NALF1: variants seen among roughly 807,000 people sequenced by gnomAD.
NALF1 encodes the protein NALCN channel auxiliary factor 1, also known as family with sequence similarity 155 member A.
A neutral mutation model predicts 48.4 loss-of-function variants in NALF1; 3 were observed. The ratio of observed to expected loss-of-function variants is 0.06; its 90% confidence interval spans 0.03 to 0.16. The LOEUF is 0.16. Among genes scored for constraint, NALF1 ranks in the 10% least tolerant of loss-of-function variants. The probability of loss-of-function intolerance (pLI) is 1.00; values close to 1 mark genes in which losing one functional copy is unlikely to be tolerated. For missense variants in NALF1, 526 were observed against 571.5 expected (o/e 0.92, Z 0.81); for synonymous variants, 262 against 245.7 (o/e 1.07, Z -0.62).
At chr13:107,583,717 C>T (rs1244586744) in intron 1 of NALF1, among the ~76,000 whole-genome samples, 3 of 152,242 alleles carry the variant, frequency 2.0e-5, no homozygotes, top group East Asian at 1.9e-4. Flanking sequence ...TTTGGAAGTA[C>T]TTAACCTCCA....
At chr13:107,726,265 G>C (rs1876146680) in intron 1 of NALF1, among the ~76,000 whole-genome samples, 1 of 152,000 alleles carries the variant, frequency 6.6e-6, no homozygotes, top group Non-Finnish European at 1.5e-5. Flanking sequence ...AGAGAAATGG[G>C]TCCTTTCATA....
chr13:107,862,322 G>C (rs1384292806), intron 1 of NALF1, among the ~76,000 whole-genome samples: 1 of 151,998 alleles, frequency 6.6e-6, no homozygotes, highest in Non-Finnish European at 1.5e-5. Context: ...GAAAAATCAA[G>C]CATGTTTATA....
At chr13:107,235,255 AT>A (rs1185602146) in intron 1 of NALF1, among the ~76,000 whole-genome samples, 1 of 152,224 alleles carries the variant, frequency 6.6e-6, no homozygotes, top group Non-Finnish European at 1.5e-5. Flanking sequence ...GAAATAGTTA[AT>A]TATTATGTAT....
chr13:107,479,555 G>A (rs576670003), intron 1 of NALF1, among the ~76,000 whole-genome samples: 34 of 151,684 alleles, frequency 2.2e-4, no homozygotes, highest in Non-Finnish European at 3.1e-4. Flanking sequence ...TGTGACTTTC[G>A]TCCTTTGGAA....
chr13:107,743,939 T>C (rs1004410824), intron 1 of NALF1, among the ~76,000 whole-genome samples: 1 of 152,204 alleles, frequency 6.6e-6, no homozygotes, highest in Non-Finnish European at 1.5e-5. Flanking sequence ...CCTTTAGTTA[T>C]GCAAAATAGA....
rs1875636566 is a variant in NALF1 at position 107,712,625 on chromosome 13, T to C, written c.915+153057A>G. Among the ~76,000 whole-genome samples the C allele has an allele frequency of 2.0e-5, 3 of 152,198 alleles. No homozygotes were observed. In the South Asian group the frequency reaches 6.2e-4, roughly 32 times the overall value. Reference sequence around the variant, plus strand: ...TGAACCACAAAGCCGAGCCCCAGCTTCGTTTCGGGGAGAATGACAGTCTCG... The same window carrying C: ...TGAACCACAAAGCCGAGCCCCAGCTCCGTTTCGGGGAGAATGACAGTCTCG... On this transcript the variant is annotated intron_variant, in intron 1 of 2. Transcript: ENST00000375915.
intron 2 of NALF1, among the ~76,000 whole-genome samples, chr13:107,179,526 T>C (rs942147435): frequency 6.6e-6 from 1 of 152,060 alleles, no homozygotes; most frequent in Non-Finnish European, 1.5e-5. Flanking sequence ...GGATTGTTTG[T>C]AACATAAAGA....
At chr13:107,500,775 T>TA (rs1318246650) in intron 1 of NALF1, among the ~76,000 whole-genome samples, 1 of 151,716 alleles carries the variant, frequency 6.6e-6, no homozygotes, top group Non-Finnish European at 1.5e-5. Context: ...TATGCAGCCA[T>TA]AAAAAATGAT....
At chr13:107,604,959 A>G (rs1879025835) in intron 1 of NALF1, among the ~76,000 whole-genome samples, 1 of 152,178 alleles carries the variant, frequency 6.6e-6, no homozygotes, top group African/African-American at 2.4e-5. Context: ...TGTGTTTTAC[A>G]TGCATCTTCT....
chr13:107,753,659 G>C (rs528578728), intron 1 of NALF1, among the ~76,000 whole-genome samples: 1 of 152,130 alleles, frequency 6.6e-6, no homozygotes, highest in Non-Finnish European at 1.5e-5. Context: ...AATACTTTCT[G>C]CATGGGATTT....
At chr13:107,325,343 C>A (rs1214131479) in intron 1 of NALF1, among the ~76,000 whole-genome samples, 2 of 152,014 alleles carry the variant, frequency 1.3e-5, no homozygotes, top group African/African-American at 4.8e-5. Context: ...TTTCCAAATT[C>A]TTTCACATCT....
At chr13:107,525,031 C>A (rs778380237) in intron 1 of NALF1, among the ~76,000 whole-genome samples, 8 of 152,032 alleles carry the variant, frequency 5.3e-5, no homozygotes, top group Non-Finnish European at 1.0e-4. Context: ...TCCTTGTTTT[C>A]AACATGGGGT....
At chr13:107,666,830 A>C (rs555848577) in intron 1 of NALF1, among the ~76,000 whole-genome samples, 88 of 152,150 alleles carry the variant, frequency 5.8e-4, no homozygotes, top group African/African-American at 2.0e-3. Context: ...ATTCGCCATA[A>C]ATTTGGTATT....
intron 1 of NALF1, among the ~76,000 whole-genome samples, chr13:107,326,770 C>T (rs1179686301): frequency 2.0e-5 from 3 of 152,200 alleles, no homozygotes; most frequent in African/African-American, 2.4e-5. Flanking sequence ...GCATGGTGCC[C>T]AGGGATAGTG....
In NALF1 at chr13:107,533,233, A is replaced by G. The variant is rs1255416362; in HGVS notation, c.916-322478T>C. On this transcript the variant is annotated intron_variant, in intron 1 of 2. Transcript: ENST00000375915. ...TAGAAACATTTATAGAAATTTACAC[A>G]TTTGAAATGCAGAGTGCTATAATTA... Among the ~76,000 whole-genome samples, 4 of 152,114 alleles carry G rather than the reference A, an allele frequency of 2.6e-5. No homozygotes were observed. In the East Asian group the frequency reaches 7.7e-4, roughly 29 times the overall value.
chr13:107,318,921 G>C (rs1485738892), intron 1 of NALF1, among the ~76,000 whole-genome samples: 1 of 152,098 alleles, frequency 6.6e-6, no homozygotes, highest in East Asian at 1.9e-4. Context: ...GCTGCCATTT[G>C]TATGTCCATT....
chr13:107,287,192 C>T (rs1434974214), intron 1 of NALF1, among the ~76,000 whole-genome samples: 2 of 152,218 alleles, frequency 1.3e-5, no homozygotes, highest in African/African-American at 2.4e-5. Context: ...AGAACCTTCA[C>T]ACCGTCTCCC....
intron 1 of NALF1, among the ~76,000 whole-genome samples, chr13:107,457,355 T>C (rs1884840431): frequency 6.6e-6 from 1 of 152,162 alleles, no homozygotes; most frequent in South Asian, 2.1e-4. Flanking sequence ...TGGTTTCAGA[T>C]TACCTATGAA....
intron 1 of NALF1, among the ~76,000 whole-genome samples, chr13:107,246,156 CA>C (rs1198817750): frequency 6.8e-6 from 1 of 147,110 alleles, no homozygotes; most frequent in Non-Finnish European, 1.5e-5. Context: ...AGATAAGCAT[CA>C]GGGGTAAATA....
Sources: gnomAD v4.1 joint callset for allele counts (sites outside exome capture counted in the v4.1 genomes callset) on GRCh38, gnomAD v4.1.1 for gene constraint, MANE v1.5 for transcripts, NCBI Gene and HGNC (gene_info 2026-07-23, HGNC 2026-07-21) for gene names.